CCSER1: variants seen among roughly 807,000 people sequenced by gnomAD.
CCSER1 encodes serine-rich coiled-coil domain-containing protein 1.
Under a neutral mutation model 82.0 loss-of-function variants are expected in CCSER1, and 41 were observed. That is an observed-to-expected ratio of 0.50 (90% CI 0.39 to 0.65). CCSER1 has a LOEUF of 0.65. Among genes scored for constraint, CCSER1 ranks in the 30% least tolerant of loss-of-function variants. The pLI, the probability that CCSER1 is intolerant of heterozygous loss-of-function variation, is 0.00. For synonymous variants in CCSER1, 414 were observed against 383.9 expected (o/e 1.08, Z -0.92); for missense variants, 1,119 against 1,064.2 (o/e 1.05, Z -0.72).
intron 4 of CCSER1, among the ~76,000 whole-genome samples, chr4:90,423,090 G>A (rs1019870397): frequency 2.0e-5 from 3 of 151,900 alleles, no homozygotes; most frequent in Admixed American, 2.0e-4. Flanking sequence ...ACTTGGGCCT[G>A]CTCCCATATG....
intron 3 of CCSER1, 147 bp from the exon 4 acceptor site, chr4:90,399,889 C>T: frequency 2.1e-6 from 1 of 487,588 alleles, no homozygotes; most frequent in Non-Finnish European, 3.7e-6. Context: ...ATTTTAAAGC[C>T]CATAGGTGTC....
At chr4:90,316,743 C>A (rs1042163818) in intron 3 of CCSER1, among the ~76,000 whole-genome samples, 1 of 151,966 alleles carries the variant, frequency 6.6e-6, no homozygotes, top group African/African-American at 2.4e-5. Flanking sequence ...AAGATATTAC[C>A]TGATGGATTA....
At chr4:91,443,420 C>T (rs935978253) in intron 10 of CCSER1, among the ~76,000 whole-genome samples, 2 of 147,270 alleles carry the variant, frequency 1.4e-5, no homozygotes, top group African/African-American at 5.0e-5. Context: ...AAACCAAACA[C>T]TGCATGTTCT....
chr4:91,045,480 C>A (rs906907498), intron 9 of CCSER1, among the ~76,000 whole-genome samples: 1 of 126,856 alleles, frequency 7.9e-6, no homozygotes, highest in Non-Finnish European at 1.8e-5. Context: ...TATCCCTTAA[C>A]AATAACTAGT....
intron 6 of CCSER1, among the ~76,000 whole-genome samples, chr4:90,652,419 A>G (rs1238062123): frequency 1.3e-5 from 2 of 152,162 alleles, no homozygotes; most frequent in African/African-American, 4.8e-5. Flanking sequence ...TCTGAAAATA[A>G]TGGGCTGTTA....
At chr4:90,955,299 A>G (rs1733324220) in intron 9 of CCSER1, among the ~76,000 whole-genome samples, 1 of 152,170 alleles carries the variant, frequency 6.6e-6, no homozygotes. Flanking sequence ...CGGGAGTGCT[A>G]CACTTGTGTT....
At chr4:90,981,933 G>C (rs895970318) in intron 9 of CCSER1, among the ~76,000 whole-genome samples, 1 of 151,776 alleles carries the variant, frequency 6.6e-6, no homozygotes, top group Non-Finnish European at 1.5e-5. Flanking sequence ...TTTGAGCTCA[G>C]GCTTGTCTCC....
At chr4:91,111,175 C>A (rs1726064458) in intron 10 of CCSER1, among the ~76,000 whole-genome samples, 1 of 151,772 alleles carries the variant, frequency 6.6e-6, no homozygotes, top group African/African-American at 2.4e-5. Context: ...CATTATGGGG[C>A]AAACTCAGCT....
At chr4:90,161,230 A>G (rs902083191) in intron 1 of CCSER1, among the ~76,000 whole-genome samples, 8 of 152,252 alleles carry the variant, frequency 5.3e-5, no homozygotes, top group Admixed American at 5.2e-4. Context: ...TTCCAAGTAC[A>G]CAGTATTCAC....
At chr4:90,435,384 C>G (rs2153569155) in intron 4 of CCSER1, among the ~76,000 whole-genome samples, 1 of 152,128 alleles carries the variant, frequency 6.6e-6, no homozygotes, top group Admixed American at 6.5e-5. Context: ...GAAACAGAAG[C>G]CCTGTTTCTC....
intron 8 of CCSER1, among the ~76,000 whole-genome samples, chr4:90,837,269 A>C (rs1309129332): frequency 6.6e-6 from 1 of 152,206 alleles, no homozygotes. Flanking sequence ...AAAGTTAACA[A>C]AAAACAAAAT....
chr4:91,037,229 C>G (rs1442859661), intron 9 of CCSER1, among the ~76,000 whole-genome samples: 1 of 90,298 alleles, frequency 1.1e-5, no homozygotes. Flanking sequence ...CTTTCTATCT[C>G]TGTCACACAC....
chr4:91,547,269 G>C (rs1578755283), intron 10 of CCSER1, among the ~76,000 whole-genome samples: 1 of 152,064 alleles, frequency 6.6e-6, no homozygotes, highest in South Asian at 2.1e-4. Context: ...TTTTCTACCT[G>C]CTGGATTTGC....
rs1487947233 is a variant in CCSER1 at position 91,604,664 on chromosome 4, T to C, written c.*5607T>C. The C allele has an allele frequency of 1.3e-5, 2 of 152,088 alleles. No individual in the cohort carries two copies. Among genetic ancestry groups the C allele is most frequent in the South Asian group, 2.1e-4 (1 of 4,828 alleles). The allele number at this position is 152,088 out of a possible 1,614,324, so 9.4% of individuals were successfully genotyped here. ...ATACAGACATCATCAAATTCCTGTTTGTATTGCCTTATACATACTTAAAAA... is the reference window on the plus strand; with the variant it reads ...ATACAGACATCATCAAATTCCTGTTCGTATTGCCTTATACATACTTAAAAA... On this transcript the variant is annotated 3_prime_UTR_variant, in exon 11 of 11. Transcript: ENST00000509176.
rs183906982 is a variant in CCSER1 at position 91,071,875 on chromosome 4, C to A, written c.2173-14075C>A. 4.6e-5 allele frequency among the ~76,000 whole-genome samples: 7 copies of A among 152,146 alleles called. No homozygotes were observed. The East Asian group carries it at 1.2e-3, about 25-fold the overall frequency. On this transcript the variant is annotated intron_variant, in intron 9 of 10. Transcript: ENST00000509176. ...GCTAAATCAACATGCCTTTCACTGA[C>A]AATATTTAGAGTTACTTGTTTTCTG...
At chr4:90,217,596 G>T (rs1424527531) in intron 1 of CCSER1, among the ~76,000 whole-genome samples, 1 of 152,044 alleles carries the variant, frequency 6.6e-6, no homozygotes, top group Admixed American at 6.6e-5. Context: ...TCCTTCTCTT[G>T]CCTGATAGCT....
chr4:91,024,895 T>C (rs1227554726), intron 9 of CCSER1, among the ~76,000 whole-genome samples: 3 of 152,062 alleles, frequency 2.0e-5, no homozygotes. Flanking sequence ...TCTTCAACTA[T>C]TAGTATATTA....
At chr4:90,740,294 G>A (rs945110671) in intron 7 of CCSER1, among the ~76,000 whole-genome samples, 1 of 151,898 alleles carries the variant, frequency 6.6e-6, no homozygotes, top group African/African-American at 2.4e-5. Context: ...GTTCAGTCAA[G>A]ATAAATTTAG....
chr4:90,377,423 C>G (rs1376638948), intron 3 of CCSER1, among the ~76,000 whole-genome samples: 2 of 152,028 alleles, frequency 1.3e-5, no homozygotes, highest in Non-Finnish European at 2.9e-5. Flanking sequence ...CTGTATAACA[C>G]CAGTATAATT....
Sources: allele counts gnomAD v4.1 joint callset (sites outside exome capture counted in the v4.1 genomes callset), GRCh38; gene constraint gnomAD v4.1.1; transcripts MANE v1.5; gene names NCBI Gene and HGNC (gene_info 2026-07-23, HGNC 2026-07-21).